MFSD6: variants seen among roughly 807,000 people sequenced by gnomAD.
The protein encoded by MFSD6 is major facilitator superfamily domain-containing protein 6.
Under a neutral mutation model 56.3 loss-of-function variants are expected in MFSD6, and 26 were observed. The ratio of observed to expected loss-of-function variants is 0.46; its 90% confidence interval spans 0.34 to 0.64. The LOEUF is 0.64. Ranked by LOEUF, MFSD6 falls within the 30% of genes least tolerant of loss-of-function variation. The pLI is 0.01. For synonymous variants in MFSD6, 331 were observed against 366.9 expected (o/e 0.90, Z 1.12); for missense variants, 750 against 986.2 (o/e 0.76, Z 3.21).
In MFSD6 at chr2:190,469,955, G is replaced by A; in HGVS notation, c.1630+100G>A. On this transcript the variant is annotated intron_variant, in intron 4 of 7. Coordinates refer to ENST00000392328, the MANE Select transcript of MFSD6 (RefSeq NM_017694.4). The surrounding 1 kb of genome is among the most constrained non-coding windows in gnomAD (Gnocchi z 5.3). Reference sequence around the variant, plus strand: ...CATCTGATTCTATAAAGGAAGGGCAGGCCTACTGTTTCATGTGATTTTGAA... The same window carrying A: ...CATCTGATTCTATAAAGGAAGGGCAAGCCTACTGTTTCATGTGATTTTGAA... 1 of 780,152 alleles carries A rather than the reference G, an allele frequency of 1.3e-6. No individual in the cohort carries two copies. The highest frequency in any genetic ancestry group is 2.1e-6 in the Non-Finnish European group (1 of 478,166). The allele number at this position is 780,152 out of a possible 1,614,324, so 48.3% of individuals were successfully genotyped here.
Position 190,497,173 on chromosome 2 carries a change from T to C in MFSD6, c.1892-266T>C. Among the ~76,000 whole-genome samples, 1 of 152,194 alleles carries C rather than the reference T, an allele frequency of 6.6e-6. No homozygotes were observed. The highest frequency in any genetic ancestry group is 1.9e-4 in the East Asian group (1 of 5,196). On this transcript the variant is annotated intron_variant, in intron 6 of 7. Coordinates refer to ENST00000392328, the MANE Select transcript of MFSD6 (RefSeq NM_017694.4). The surrounding 1 kb of genome is among the most constrained non-coding windows in gnomAD (Gnocchi z 5.2). The stretch of plus-strand genomic sequence containing the variant: ...CTCATTATAACCTATGCCCCACTGA[T>C]GTTCTAAGTTAAATGAAAAATATAT...
intron 3 of MFSD6, among the ~76,000 whole-genome samples, chr2:190,452,590 G>GC (rs1403151445): frequency 6.6e-6 from 1 of 152,112 alleles, no homozygotes; most frequent in East Asian, 1.9e-4. Context: ...AGCTTCATAG[G>GC]CACAGGGTTA....
intron 2 of MFSD6, among the ~76,000 whole-genome samples, chr2:190,421,571 A>G (rs911522262): frequency 6.6e-6 from 1 of 152,058 alleles, no homozygotes; most frequent in South Asian, 2.1e-4. Flanking sequence ...TTTTTCTGCA[A>G]TTATTTTGAT....
At chr2:190,470,969 G>T (rs551039295) in intron 4 of MFSD6, among the ~76,000 whole-genome samples, 2 of 152,184 alleles carry the variant, frequency 1.3e-5, no homozygotes, top group African/African-American at 4.8e-5. Context: ...AGTAAAAGGA[G>T]ATTCTGTTTA....
At position 190,436,735 on chromosome 2, in the gene MFSD6, C is replaced by T. The variant is rs202152253; in HGVS notation, c.706C>T (p.Arg236Cys). Residue 236 changes from arginine to cysteine, a missense_variant, in exon 3 of 8, where the codon CGT (arginine) becomes TGT (cysteine). Transcript: ENST00000392328. This position sits in a 1 kb window ranked among gnomAD's most constrained non-coding sequence, Gnocchi z 5.3. ...LQPQTGEITN[R>C]MMDLTLNSST... is the part of the protein sequence containing the mutation. ...GCCCCAGACAGGTGAAATTACTAAC[C>T]GTATGATGGACTTGACTTTGAACTC... is the stretch of plus-strand genomic sequence containing the variant. 49 of 1,614,168 alleles carry T rather than the reference C, an allele frequency of 3.0e-5. No individual in the cohort carries two copies. The highest frequency in any genetic ancestry group is 3.6e-5 in the Non-Finnish European group (43 of 1,180,032).
At chr2:190,450,756 G>A (rs1338199841) in intron 3 of MFSD6, among the ~76,000 whole-genome samples, 1 of 152,124 alleles carries the variant, frequency 6.6e-6, no homozygotes, top group Non-Finnish European at 1.5e-5. Context: ...GCCTCCGAAA[G>A]TGCTGGGTTT....
At chr2:190,409,981 A>G (rs1690488972) in intron 1 of MFSD6, among the ~76,000 whole-genome samples, 1 of 152,222 alleles carries the variant, frequency 6.6e-6, no homozygotes, top group Non-Finnish European at 1.5e-5. Context: ...CATCACTTCA[A>G]TAATGCATTA....
At position 190,500,362 on chromosome 2, in the gene MFSD6, AAC is replaced by A; in HGVS notation, c.*154_*155del. 2.1e-5 allele frequency: 17 copies of A among 809,456 alleles called. No individual in the cohort carries two copies. Among genetic ancestry groups the A allele is most frequent in the South Asian group, 3.6e-5 (2 of 56,158 alleles). 50.1% of individuals were successfully genotyped at this position (809,456 alleles called of 1,614,324 possible). A position where few individuals can be genotyped will look rare whatever the true frequency, so the allele number is the denominator to read the frequency against. ...AAATATCTAAACTCATTAACATGGA[AAC>A]ACACACACAGGAGCTACAGTACATA... On this transcript the variant is annotated 3_prime_UTR_variant, in exon 8 of 8. Coordinates refer to ENST00000392328, the MANE Select transcript of MFSD6 (RefSeq NM_017694.4). This position sits in a 1 kb window ranked among gnomAD's most constrained non-coding sequence, Gnocchi z 5.3.
At position 190,462,708 on chromosome 2, in the gene MFSD6, G is replaced by A. The variant is rs540588752; in HGVS notation, c.1533-7050G>A. The stretch of plus-strand genomic sequence containing the variant: ...TCTTGGGAGGCTTCTTGGAAGGGAT[G>A]ATTCCTTTCAACAGTGGGACTCTCA... On this transcript the variant is annotated intron_variant, in intron 3 of 7. Transcript: ENST00000392328. The surrounding 1 kb of genome is among the most constrained non-coding windows in gnomAD (Gnocchi z 5.7). 1.3e-5 allele frequency among the ~76,000 whole-genome samples: 2 copies of A among 152,274 alleles called. No homozygotes were observed. Among genetic ancestry groups the A allele is most frequent in the East Asian group, 3.9e-4 (2 of 5,186 alleles).
chr2:190,422,553 A>C (rs1022924275), intron 2 of MFSD6, among the ~76,000 whole-genome samples: 1 of 152,178 alleles, frequency 6.6e-6, no homozygotes, highest in Non-Finnish European at 1.5e-5. Flanking sequence ...GATTGTGATG[A>C]TGTTGTTGAG....
At position 190,489,953 on chromosome 2, in the gene MFSD6, A is replaced by G; in HGVS notation, c.1891+87A>G. On this transcript the variant is annotated intron_variant, in intron 6 of 7. Coordinates refer to ENST00000392328, the MANE Select transcript of MFSD6 (RefSeq NM_017694.4). The surrounding 1 kb of genome is among the most constrained non-coding windows in gnomAD (Gnocchi z 6.6). ...GCCCCGAGAAGCCTAGAAGTGGTACAGAGTATACAACAGGTCTGTTTGGCT... is the reference window on the plus strand; with the variant it reads ...GCCCCGAGAAGCCTAGAAGTGGTACGGAGTATACAACAGGTCTGTTTGGCT... The G allele has an allele frequency of 8.6e-7, 1 of 1,162,998 alleles. No individual in the cohort carries two copies. Among genetic ancestry groups the G allele is most frequent in the Non-Finnish European group, 1.2e-6 (1 of 817,596 alleles). The allele number at this position is 1,162,998 out of a possible 1,614,324, so 72.0% of individuals were successfully genotyped here.
At chr2:190,449,326 T>C (rs1320002279) in intron 3 of MFSD6, among the ~76,000 whole-genome samples, 2 of 152,038 alleles carry the variant, frequency 1.3e-5, no homozygotes, top group Non-Finnish European at 2.9e-5. Context: ...ATACAAAAAT[T>C]AGCTGGGCAT....
chr2:190,450,250 A>C (rs1344466550), intron 3 of MFSD6, among the ~76,000 whole-genome samples: 1 of 152,234 alleles, frequency 6.6e-6, no homozygotes, highest in East Asian at 1.9e-4. Flanking sequence ...AATATCTGGC[A>C]GACTGCAATT....
At position 190,482,554 on chromosome 2, in the gene MFSD6, A is replaced by G. The variant is rs145679701; in HGVS notation, c.1631-6103A>G. Among the ~76,000 whole-genome samples, 192 of 152,272 alleles carry G rather than the reference A, an allele frequency of 1.3e-3. 1 individual carries two copies. The highest frequency in any genetic ancestry group is 4.4e-3 in the African/African-American group (183 of 41,560). On this transcript the variant is annotated intron_variant, in intron 4 of 7. Coordinates refer to ENST00000392328, the MANE Select transcript of MFSD6 (RefSeq NM_017694.4). ...GTCAGTGGCAGAAGGAAGAAAAACA[A>G]AACAATCCTAGTTCCCTAGTACTGT...
chr2:190,435,512 G>A (rs1232799269), intron 2 of MFSD6, among the ~76,000 whole-genome samples: 1 of 152,192 alleles, frequency 6.6e-6, no homozygotes, highest in Non-Finnish European at 1.5e-5. Flanking sequence ...TTACATTTGT[G>A]GTTGTGGTTA....
chr2:190,411,087 G>A (rs1690542160), intron 1 of MFSD6: 5 of 980,630 alleles, frequency 5.1e-6, no homozygotes, highest in African/African-American at 3.5e-5. Flanking sequence ...AGCTTCAGAA[G>A]AAATTTATAT....
chr2:190,432,171 A>G (rs540416535), intron 2 of MFSD6, among the ~76,000 whole-genome samples: 5 of 152,328 alleles, frequency 3.3e-5, no homozygotes, highest in Middle Eastern at 3.4e-3. Context: ...AGAGGTTTCA[A>G]TATAAGCATC....
chr2:190,482,923 C>T (rs900283524), intron 4 of MFSD6, among the ~76,000 whole-genome samples: 26 of 105,616 alleles, frequency 2.5e-4, no homozygotes, highest in African/African-American at 8.6e-4. Context: ...CTCACTCTGT[C>T]GCCCAGGCCG....
Position 190,412,189 on chromosome 2 carries a change from C to A in MFSD6, c.-175-3103C>A. The A allele has an allele frequency of 1.0e-6, 1 of 984,784 alleles. No homozygotes were observed. Among genetic ancestry groups the A allele is most frequent in the Non-Finnish European group, 1.2e-6 (1 of 829,414 alleles). 61.0% of individuals were successfully genotyped at this position (984,784 alleles called of 1,614,324 possible). A position where few individuals can be genotyped will look rare whatever the true frequency, so the allele number is the denominator to read the frequency against. On this transcript the variant is annotated intron_variant, in intron 1 of 7. Coordinates refer to ENST00000392328, the MANE Select transcript of MFSD6 (RefSeq NM_017694.4). This position sits in a 1 kb window ranked among gnomAD's most constrained non-coding sequence, Gnocchi z 4.1. ...AGAATCCTTAAAAATTAATACATTT[C>A]CAGACTTAGAAATCCAGAGCCATAA...
Sources: allele counts gnomAD v4.1 joint callset (sites outside exome capture counted in the v4.1 genomes callset), GRCh38; gene constraint gnomAD v4.1.1; non-coding constraint Gnocchi (gnomAD v3.1); transcripts MANE v1.5; gene names NCBI Gene and HGNC (gene_info 2026-07-23, HGNC 2026-07-21).